ZFAND3: variants seen among roughly 807,000 people sequenced by gnomAD.
ZFAND3 encodes AN1-type zinc finger protein 3.
Under a neutral mutation model 29.6 loss-of-function variants are expected in ZFAND3, and 10 were observed. The ratio of observed to expected loss-of-function variants is 0.34; its 90% CI spans 0.21 to 0.57. The LOEUF is 0.57. ZFAND3 is among the 20% of genes least tolerant of loss of function. The pLI is 0.86. For missense variants in ZFAND3, 230 were observed against 304.5 expected (o/e 0.76, Z 1.82); for synonymous variants, 128 against 112.6 (o/e 1.14, Z -0.87).
chr6:38,068,248 T>C (rs919667244), intron 3 of ZFAND3, among the ~76,000 whole-genome samples: 6 of 152,316 alleles, frequency 3.9e-5, no homozygotes, highest in Admixed American at 6.5e-5. Context: ...CTAAGAATGA[T>C]TTTTATTCTT....
At chr6:37,945,474 C>T (rs189953361) in intron 2 of ZFAND3, among the ~76,000 whole-genome samples, 288 of 152,240 alleles carry the variant, frequency 1.9e-3, no homozygotes, top group African/African-American at 6.3e-3. Context: ...TGGCTCACTG[C>T]AACCTCTGCC....
At chr6:37,848,759 G>A (rs924480748) in intron 1 of ZFAND3, among the ~76,000 whole-genome samples, 1 of 152,090 alleles carries the variant, frequency 6.6e-6, no homozygotes, top group African/African-American at 2.4e-5. Flanking sequence ...TGGGAGGGTT[G>A]TGTTTGCGTC....
intron 2 of ZFAND3, among the ~76,000 whole-genome samples, chr6:38,004,425 C>T (rs1246371216): frequency 3.3e-5 from 5 of 150,316 alleles, no homozygotes; most frequent in African/African-American, 1.2e-4. Context: ...TCTTTCTTTC[C>T]TTTTCCCTCT....
intron 2 of ZFAND3, among the ~76,000 whole-genome samples, chr6:38,008,795 A>G (rs945128665): frequency 1.3e-5 from 2 of 152,164 alleles, no homozygotes; most frequent in Non-Finnish European, 2.9e-5. Flanking sequence ...CTGAAAGACA[A>G]TGGCTCACTT....
At chr6:38,151,601 C>G (rs1766228217) in intron 5 of ZFAND3, among the ~76,000 whole-genome samples, 1 of 152,186 alleles carries the variant, frequency 6.6e-6, no homozygotes, top group Admixed American at 6.5e-5. Context: ...TCTCACCTAC[C>G]CAGTGCAGTT....
At chr6:37,960,215 G>C (rs1762171344) in intron 2 of ZFAND3, among the ~76,000 whole-genome samples, 1 of 152,166 alleles carries the variant, frequency 6.6e-6, no homozygotes, top group Non-Finnish European at 1.5e-5. Flanking sequence ...ACCACACTGA[G>C]CTGGTCAGCT....
At chr6:37,942,344 TAAATA>T (rs1761826245) in intron 2 of ZFAND3, among the ~76,000 whole-genome samples, 1 of 152,116 alleles carries the variant, frequency 6.6e-6, no homozygotes, top group Admixed American at 6.5e-5. Flanking sequence ...TTAAGGTAAC[TAAATA>T]AATTTAAAAG....
At chr6:37,953,215 G>T (rs1021592062) in intron 2 of ZFAND3, among the ~76,000 whole-genome samples, 1 of 151,412 alleles carries the variant, frequency 6.6e-6, no homozygotes, top group Non-Finnish European at 1.5e-5. Flanking sequence ...TTTCCCTGCT[G>T]TCTTTTCAAT....
intron 2 of ZFAND3, among the ~76,000 whole-genome samples, chr6:37,976,029 C>A (rs974856362): frequency 3.9e-5 from 6 of 151,960 alleles, no homozygotes; most frequent in African/African-American, 1.4e-4. Context: ...TCTCTTTAGG[C>A]CTTCTTTAAT....
chr6:38,036,316 G>T (rs1405853066), intron 2 of ZFAND3, among the ~76,000 whole-genome samples: 2 of 152,274 alleles, frequency 1.3e-5, no homozygotes, highest in African/African-American at 4.8e-5. Flanking sequence ...GCTGCATACT[G>T]CAGGGTAAAT....
chr6:38,011,117 C>T (rs182058181), intron 2 of ZFAND3, among the ~76,000 whole-genome samples: 5 of 152,110 alleles, frequency 3.3e-5, no homozygotes, highest in East Asian at 1.9e-4. Context: ...TCGCATAATA[C>T]GTTTGGGACT....
At chr6:38,109,085 A>C (rs1470618088) in intron 4 of ZFAND3, among the ~76,000 whole-genome samples, 1 of 152,112 alleles carries the variant, frequency 6.6e-6, no homozygotes, top group Non-Finnish European at 1.5e-5. Context: ...TAGCCAGCAC[A>C]GGCAAACAAA....
intron 5 of ZFAND3, among the ~76,000 whole-genome samples, chr6:38,151,108 C>G (rs1766213495): frequency 6.6e-6 from 1 of 152,166 alleles, no homozygotes; most frequent in Admixed American, 6.5e-5. Context: ...ATCGGCCGCT[C>G]TAGAGATTGC....
intron 1 of ZFAND3, among the ~76,000 whole-genome samples, chr6:37,870,061 T>C (rs575947541): frequency 6.6e-6 from 1 of 152,196 alleles, no homozygotes; most frequent in South Asian, 2.1e-4. Flanking sequence ...TCCACAAATT[T>C]CGGTACGTTG....
chr6:38,137,810 T>C (rs1765871080), intron 5 of ZFAND3, among the ~76,000 whole-genome samples: 1 of 152,010 alleles, frequency 6.6e-6, no homozygotes, highest in Non-Finnish European at 1.5e-5. Context: ...ACAAAGGCCC[T>C]GGAGGGAGGA....
chr6:38,110,858 T>G (rs1047455497), intron 4 of ZFAND3, among the ~76,000 whole-genome samples: 7 of 152,196 alleles, frequency 4.6e-5, no homozygotes, highest in African/African-American at 1.7e-4. Flanking sequence ...CTGCCTGAGA[T>G]GTCAGGAAGC....
chr6:37,858,155 C>T (rs1268002361), intron 1 of ZFAND3, among the ~76,000 whole-genome samples: 1 of 152,100 alleles, frequency 6.6e-6, no homozygotes, highest in Non-Finnish European at 1.5e-5. Context: ...CTTGTTGAGC[C>T]AAGTTTGACC....
intron 5 of ZFAND3, among the ~76,000 whole-genome samples, chr6:38,121,484 A>C (rs1222777996): frequency 6.6e-6 from 1 of 152,234 alleles, no homozygotes; most frequent in Non-Finnish European, 1.5e-5. Context: ...CCACACCCAG[A>C]GGTTCTGATT....
At chr6:38,009,577 C>A (rs888032745) in intron 2 of ZFAND3, among the ~76,000 whole-genome samples, 1 of 152,142 alleles carries the variant, frequency 6.6e-6, no homozygotes, top group Non-Finnish European at 1.5e-5. Context: ...TTTACAGGAT[C>A]CTGCTATAAC....
Sources: gnomAD v4.1 joint callset for allele counts (sites outside exome capture counted in the v4.1 genomes callset) on GRCh38, gnomAD v4.1.1 for gene constraint, MANE v1.5 for transcripts, NCBI Gene and HGNC (gene_info 2026-07-23, HGNC 2026-07-21) for gene names.